Variants in GRK5 observed in about 807,000 individuals in gnomAD.
The protein encoded by GRK5 is g protein-coupled receptor kinase GRK5.
A neutral mutation model predicts 78.4 loss-of-function variants in GRK5; 40 were observed. That is an observed-to-expected ratio of 0.51 (90% confidence interval 0.40 to 0.66). The LOEUF is 0.66. Among genes scored for constraint, GRK5 ranks in the 30% least tolerant of loss-of-function variants. The probability of loss-of-function intolerance (pLI) is 0.00; values close to 1 mark genes in which losing one functional copy is unlikely to be tolerated. For missense variants in GRK5, 598 were observed against 759.9 expected, an observed-to-expected ratio of 0.79 and a Z score of 2.50; for synonymous variants, 289 against 296.8, an observed-to-expected ratio of 0.97 and a Z score of 0.27.
chr10:119,394,240 GTGTC>G (rs1851958647), intron 3 of GRK5, among the ~76,000 whole-genome samples: 1 of 89,718 alleles, frequency 1.1e-5, no homozygotes, highest in Non-Finnish European at 2.4e-5. Context: ...GGGTGTGTGG[GTGTC>G]TGTGTGTGGA....
chr10:119,367,102 ATTG>A (rs761770905), intron 2 of GRK5, among the ~76,000 whole-genome samples: 89 of 152,256 alleles, frequency 5.8e-4, no homozygotes, highest in Non-Finnish European at 1.1e-3. Flanking sequence ...TGTTTCCATT[ATTG>A]TTATTATAAT....
intron 3 of GRK5, among the ~76,000 whole-genome samples, chr10:119,394,336 C>CCG (rs1851972320): frequency 7.4e-5 from 1 of 13,446 alleles, no homozygotes; most frequent in Admixed American, 6.7e-4. Context: ...ATCTGTGTGT[C>CCG]TGTGTGTGGG....
intron 13 of GRK5, among the ~76,000 whole-genome samples, chr10:119,450,368 C>T (rs556627833): frequency 5.6e-4 from 86 of 152,274 alleles, no homozygotes; most frequent in Middle Eastern, 3.4e-3. Flanking sequence ...AAGGGAGATC[C>T]CATGGCACAC....
chr10:119,243,679 G>T (rs1454166334), intron 1 of GRK5, among the ~76,000 whole-genome samples: 1 of 151,792 alleles, frequency 6.6e-6, no homozygotes, highest in Non-Finnish European at 1.5e-5. Flanking sequence ...CAACCCCAAG[G>T]CAAATAGAGC....
chr10:119,438,697 C>G (rs1051046411), intron 9 of GRK5, among the ~76,000 whole-genome samples: 7 of 152,234 alleles, frequency 4.6e-5, no homozygotes, highest in Admixed American at 4.6e-4. Context: ...CACGGCCTCT[C>G]TTTGGGCTCC....
intron 4 of GRK5, among the ~76,000 whole-genome samples, chr10:119,419,272 G>A (rs991332154): frequency 2.0e-5 from 3 of 152,178 alleles, no homozygotes; most frequent in African/African-American, 7.2e-5. Context: ...TTTCTTACAC[G>A]GTGTATCCGA....
At chr10:119,441,842 G>T (rs1374753844) in intron 10 of GRK5, among the ~76,000 whole-genome samples, 157 bp from the exon 11 acceptor site, 1 of 152,092 alleles carries the variant, frequency 6.6e-6, no homozygotes, top group Non-Finnish European at 1.5e-5. Flanking sequence ...CTCTCCCAAG[G>T]CTCTTGTGGT....
intron 1 of GRK5, among the ~76,000 whole-genome samples, chr10:119,301,131 C>T (rs1273623537): frequency 6.6e-6 from 1 of 152,012 alleles, no homozygotes; most frequent in East Asian, 1.9e-4. Flanking sequence ...GTGCAGAACC[C>T]ATAGACATAC....
intron 1 of GRK5, among the ~76,000 whole-genome samples, chr10:119,311,786 C>T (rs1179389562): frequency 7.5e-6 from 1 of 133,104 alleles, no homozygotes; most frequent in African/African-American, 2.6e-5. Flanking sequence ...AAGACTGTCT[C>T]CAAAAAAAAA....
At position 119,266,552 on chromosome 10, in the gene GRK5, T is replaced by G. The variant is rs114261798; in HGVS notation, c.52+58583T>G. On this transcript the variant is annotated intron_variant, in intron 1 of 15. Coordinates refer to ENST00000392870, the MANE Select transcript of GRK5 (RefSeq NM_005308.3). ...TCCAATGGGCTTTTCCTTCCCTTCA[T>G]AACTTGGGTGTTTTCAAGGGTGAGG... 4.4e-3 allele frequency among the ~76,000 whole-genome samples: 662 copies of G among 152,146 alleles called. 2 individuals are homozygous for G. The highest frequency in any genetic ancestry group is 0.015 in the African/African-American group (633 of 41,506).
intron 4 of GRK5, among the ~76,000 whole-genome samples, chr10:119,402,174 G>A (rs1214846793): frequency 6.6e-6 from 1 of 152,214 alleles, no homozygotes; most frequent in Non-Finnish European, 1.5e-5. Flanking sequence ...GGAATATTAG[G>A]TGAGCACACC....
At chr10:119,255,112 C>T (rs573984228) in intron 1 of GRK5, among the ~76,000 whole-genome samples, 1 of 150,808 alleles carries the variant, frequency 6.6e-6, no homozygotes, top group South Asian at 2.1e-4. Context: ...CAGGTAAGGT[C>T]GTCAGGTGGG....
chr10:119,386,221 G>C (rs530279783), intron 3 of GRK5, among the ~76,000 whole-genome samples: 1 of 152,312 alleles, frequency 6.6e-6, no homozygotes, highest in Admixed American at 6.5e-5. Context: ...GGTGTTTAGA[G>C]AGCCCTGGGC....
At chr10:119,454,893 A>C in intron 15 of GRK5, 76 bp from the exon 16 acceptor site, 1 of 935,100 alleles carries the variant, frequency 1.1e-6, no homozygotes, top group Non-Finnish European at 1.7e-6. Flanking sequence ...AGGCAGAGGC[A>C]GCCCCGACCC....
intron 2 of GRK5, among the ~76,000 whole-genome samples, chr10:119,340,120 GTTTGT>G (rs56098755): frequency 8.2e-4 from 125 of 151,848 alleles, no homozygotes; most frequent in African/African-American, 2.9e-3. Flanking sequence ...TTGTTTGTTT[GTTTGT>G]TTTGTTTTGT....
chr10:119,332,098 G>A (rs1341526069), intron 2 of GRK5, among the ~76,000 whole-genome samples: 1 of 150,032 alleles, frequency 6.7e-6, no homozygotes, highest in Non-Finnish European at 1.5e-5. Context: ...AATAGCTATT[G>A]TAATTTTGAT....
intron 5 of GRK5, 46 bp from the exon 6 acceptor site, chr10:119,424,947 A>T (rs1313727606): frequency 8.9e-6 from 12 of 1,351,048 alleles, no homozygotes; most frequent in Non-Finnish European, 1.3e-5. Flanking sequence ...CCCTGCTTGA[A>T]GATCGGGATT....
chr10:119,257,911 G>A (rs1849315771), intron 1 of GRK5, among the ~76,000 whole-genome samples: 1 of 152,178 alleles, frequency 6.6e-6, no homozygotes, highest in African/African-American at 2.4e-5. Flanking sequence ...CTTGCTCAGA[G>A]TGTTGCCTTC....
chr10:119,369,002 G>A (rs547084860), intron 2 of GRK5, among the ~76,000 whole-genome samples: 2 of 152,306 alleles, frequency 1.3e-5, no homozygotes, highest in South Asian at 4.1e-4. Context: ...CTGTTTGTTG[G>A]TTTGTTCAAT....
Sources: allele counts gnomAD v4.1 joint callset (sites outside exome capture counted in the v4.1 genomes callset), GRCh38; gene constraint gnomAD v4.1.1; transcripts MANE v1.5; gene names NCBI Gene and HGNC (gene_info 2026-07-23, HGNC 2026-07-21).